TSN: variants seen among roughly 807,000 people sequenced by gnomAD.
The protein encoded by TSN is component 3 of promoter of RISC.
TSN carries 5 observed loss-of-function variants against 29.4 expected under a neutral mutation model. That is an observed-to-expected ratio of 0.17 (90% CI 0.09 to 0.36). The LOEUF (loss-of-function observed/expected upper bound fraction) is 0.36. Among genes scored for constraint, TSN ranks in the 10% least tolerant of loss-of-function variants. The probability of loss-of-function intolerance (pLI) is 1.00; values close to 1 mark genes in which losing one functional copy is unlikely to be tolerated. For synonymous variants in TSN, 106 were observed against 102.2 expected (o/e 1.04, Z -0.23); for missense variants, 159 against 272.8 (o/e 0.58, Z 2.94).
intron 4 of TSN, 113 bp downstream of exon 4, chr2:121,761,637 C>T: frequency 2.5e-6 from 2 of 796,194 alleles, no homozygotes; most frequent in Non-Finnish European, 4.3e-6. Flanking sequence ...CTAAAAACCA[C>T]TTATAGTTGT....
intron 3 of TSN, among the ~76,000 whole-genome samples, 152 bp from the exon 4 acceptor site, chr2:121,761,256 TA>T (rs971778019): frequency 6.6e-5 from 10 of 152,244 alleles, no homozygotes; most frequent in African/African-American, 2.4e-4. Context: ...AAATTAATGC[TA>T]AATGTCATAT....
intron 1 of TSN, 126 bp downstream of exon 1, chr2:121,755,971 T>C (rs2074740192): frequency 1.3e-6 from 2 of 1,518,448 alleles, no homozygotes; most frequent in Admixed American, 4.0e-5. Context: ...GCTTCCCCTC[T>C]AGCTTTAGGT....
chr2:121,758,805 A>G lies in TSN; in HGVS notation c.256A>G (p.Arg86Gly). 6.5e-7 allele frequency: 1 copy of G among 1,530,790 alleles called. No homozygotes were observed. Among genetic ancestry groups the G allele is most frequent in the Non-Finnish European group, 8.8e-7 (1 of 1,141,050 alleles). 94.8% of individuals were successfully genotyped at this position (1,530,790 alleles called of 1,614,324 possible). Residue 86 changes from arginine (R) to glycine (G), a missense_variant and splice_region_variant, in exon 3 of 6, where the codon AGA becomes GGA. Physicochemically the swap from Arg to Gly is moderately radical, Grantham distance 125. Around this residue, in one of 3 missense-constraint regions of TSN, gnomAD observed 85 missense variants for 178.1 expected, o/e 0.48. Coordinates refer to ENST00000389682, the MANE Select transcript of TSN (RefSeq NM_004622.3). ...CAAATTTCCTGCTGAACAGTATTAC[A>G]GGTTTGTAAGAAAAATAGCATTATT... is the stretch of plus-strand genomic sequence containing the variant. ...KTKFPAEQYY[R>G]FHEHWRFVLQ...
At position 121,755,678 on chromosome 2, in the gene TSN, G is replaced by A; in HGVS notation, c.-102G>A. The A allele has an allele frequency of 2.0e-6, 3 of 1,482,218 alleles. No individual in the cohort carries two copies. Among genetic ancestry groups the A allele is most frequent in the Non-Finnish European group, 2.8e-6 (3 of 1,079,974 alleles). The allele number at this position is 1,482,218 out of a possible 1,614,324, so 91.8% of individuals were successfully genotyped here. A position where few individuals can be genotyped will look rare whatever the true frequency, so the allele number is the denominator to read the frequency against. On this transcript the variant is annotated 5_prime_UTR_variant, in exon 1 of 6. Coordinates refer to ENST00000389682, the MANE Select transcript of TSN (RefSeq NM_004622.3). ...TCGTGGCGTAAGACCGGGGGGACGC[G>A]GCGGTAGCGGCGGCCGTTGCGATTG...
intron 5 of TSN, among the ~76,000 whole-genome samples, chr2:121,764,792 G>A (rs2074880541): frequency 1.3e-5 from 2 of 152,198 alleles, no homozygotes; most frequent in Admixed American, 6.5e-5. Context: ...AAGAGGTAGT[G>A]GAGCTGCTGT....
At chr2:121,757,144 G>A (rs1049791101) in intron 1 of TSN, 96 bp from the exon 2 acceptor site, 1 of 1,170,504 alleles carries the variant, frequency 8.5e-7, no homozygotes, top group African/African-American at 1.5e-5. Flanking sequence ...TTCAAACTTG[G>A]TTATGATAGA....
At position 121,755,689 on chromosome 2, in the gene TSN, C is replaced by A. The variant is rs749498736; in HGVS notation, c.-91C>A. On this transcript the variant is annotated 5_prime_UTR_variant, in exon 1 of 6. Coordinates refer to ENST00000389682, the MANE Select transcript of TSN (RefSeq NM_004622.3). Reference sequence around the variant, plus strand: ...GACCGGGGGGACGCGGCGGTAGCGGCGGCCGTTGCGATTGATTGCGCTGGT... The same window carrying A: ...GACCGGGGGGACGCGGCGGTAGCGGAGGCCGTTGCGATTGATTGCGCTGGT... 4 of 1,531,312 alleles carry A rather than the reference C, an allele frequency of 2.6e-6. No homozygotes were observed. The Admixed American group carries it at 6.8e-5, about 26-fold the overall frequency. The allele number at this position is 1,531,312 out of a possible 1,614,324, so 94.9% of individuals were successfully genotyped here.
rs149179249 is a variant in TSN, at chr2:121,760,235, G to A, written c.258-1174G>A. Among the ~76,000 whole-genome samples the A allele has an allele frequency of 7.2e-3, 1,104 of 152,308 alleles. 11 individuals carry two copies. Among genetic ancestry groups the A allele is most frequent in the African/African-American group, 0.025 (1,050 of 41,564 alleles). ...CCCTATTGTGGACTGTGCATGCGAG[G>A]GATCTAGGTTGCATGCTCCTTATGA... is the stretch of plus-strand genomic sequence containing the variant. On this transcript the variant is annotated intron_variant, in intron 3 of 5. Transcript: ENST00000389682.
intron 3 of TSN, 116 bp downstream of exon 3, chr2:121,758,922 G>C (rs2074784500): frequency 3.2e-6 from 2 of 628,506 alleles, no homozygotes; most frequent in African/African-American, 3.8e-5. Flanking sequence ...GTAACAAAAA[G>C]AGAAAAAACC....
rs1394632442 is a variant in TSN, at chr2:121,755,803, G to C, written c.24G>C (p.Val8=). The stretch of plus-strand genomic sequence containing the variant: ...CCATGTCTGTGAGCGAGATCTTCGT[G>C]GAGCTGCAGGGCTTTTTGGCTGCCG... MSVSEIF[V]ELQGFLAAEQ... The change falls in exon 1 of 6, where the codon GTG becomes GTC. Residue 8 remains valine (V), a synonymous_variant. Transcript: ENST00000389682. 1 of 1,613,946 alleles carries C rather than the reference G, an allele frequency of 6.2e-7. No individual in the cohort carries two copies. The highest frequency in any genetic ancestry group is 2.2e-5 in the East Asian group (1 of 44,900).
intron 5 of TSN, among the ~76,000 whole-genome samples, chr2:121,764,823 C>T (rs1470814110): frequency 6.6e-6 from 1 of 152,050 alleles, no homozygotes; most frequent in African/African-American, 2.4e-5. Context: ...TCGTTTCTTT[C>T]TTCGATATGA....
At chr2:121,759,021 C>G (rs2074786116) in intron 3 of TSN, among the ~76,000 whole-genome samples, 1 of 151,966 alleles carries the variant, frequency 6.6e-6, no homozygotes, top group Non-Finnish European at 1.5e-5. Flanking sequence ...ATTACTTTTG[C>G]AGTGAAAAAG....
Position 121,761,498 on chromosome 2 carries a change from G to T in TSN, c.347G>T (p.Arg116Leu). Reference sequence around the variant, plus strand: ...TTGGAAACAGAAACACTAGTGACTCGAGAAGCAGTTACAGAAATTCTTGGC... The same window carrying T: ...TTGGAAACAGAAACACTAGTGACTCTAGAAGCAGTTACAGAAATTCTTGGC... Reference protein sequence around the residue: ...VYLETETLVTREAVTEILGIE... With the variant: ...VYLETETLVTLEAVTEILGIE... The change falls in exon 4 of 6, where the codon CGA becomes CTA. Residue 116 changes from arginine (R) to leucine (L), a missense_variant. Physicochemically the swap from Arg to Leu is moderately radical, Grantham distance 102. This residue lies in a region of TSN where 85 missense variants were observed against 178.1 expected (regional missense o/e 0.48). Transcript: ENST00000389682. 6.2e-7 allele frequency: 1 copy of T among 1,614,076 alleles called. No individual in the cohort carries two copies. The highest frequency in any genetic ancestry group is 8.5e-7 in the Non-Finnish European group (1 of 1,179,934).
In TSN at chr2:121,760,317, C is replaced by T. The variant is rs559466807; in HGVS notation, c.258-1092C>T. 4.6e-5 allele frequency among the ~76,000 whole-genome samples: 7 copies of T among 152,292 alleles called. No homozygotes were observed. In the South Asian group the frequency reaches 1.2e-3, roughly 27 times the overall value. Reference sequence around the variant, plus strand: ...AGTTTCATCCTGAAACCATCCGCCCCCCTTCTGTGGAAAAATTGTCTTCCA... The same window carrying T: ...AGTTTCATCCTGAAACCATCCGCCCTCCTTCTGTGGAAAAATTGTCTTCCA... On this transcript the variant is annotated intron_variant, in intron 3 of 5. Transcript: ENST00000389682.
intron 3 of TSN, among the ~76,000 whole-genome samples, chr2:121,759,803 A>G (rs531833682): frequency 2.0e-5 from 3 of 152,218 alleles, no homozygotes; most frequent in East Asian, 1.9e-4. Flanking sequence ...GTATAACCTT[A>G]TGAGAATATT....
chr2:121,759,731 G>A (rs1054963577), intron 3 of TSN, among the ~76,000 whole-genome samples: 2 of 152,118 alleles, frequency 1.3e-5, no homozygotes, highest in African/African-American at 4.8e-5. Context: ...TACTGAAAAA[G>A]ATGTTCTTTT....
chr2:121,762,302 ATT>A (rs546428706), intron 4 of TSN, among the ~76,000 whole-genome samples: 167 of 151,676 alleles, frequency 1.1e-3, no homozygotes, highest in Non-Finnish European at 1.1e-3. Flanking sequence ...AATTTTTTGT[ATT>A]TTTTTAGTAG....
chr2:121,758,905 T>C, intron 3 of TSN, 99 bp downstream of exon 3: 1 of 724,132 alleles, frequency 1.4e-6, no homozygotes. Context: ...AAACATCCTG[T>C]GTAGAAGTAA....
chr2:121,761,587 G>C, intron 4 of TSN, 63 bp downstream of exon 4: 3 of 1,279,052 alleles, frequency 2.3e-6, no homozygotes. Context: ...TTGGTGGAAA[G>C]GGTGGTTGTA....
Sources: gnomAD v4.1 joint callset for allele counts (sites outside exome capture counted in the v4.1 genomes callset) on GRCh38, gnomAD v4.1.1 for gene constraint, gnomAD v4.1.1 regional missense constraint, MANE v1.5 for transcripts, NCBI Gene and HGNC (gene_info 2026-07-23, HGNC 2026-07-21) for gene names.